SRRM4: variants seen among roughly 807,000 people sequenced by gnomAD.
SRRM4 encodes serine/arginine repetitive matrix protein 4.
Under a neutral mutation model 68.9 loss-of-function variants are expected in SRRM4, and 33 were observed. The ratio of observed to expected loss-of-function variants is 0.48; its 90% CI spans 0.36 to 0.64. The LOEUF is 0.64. Among genes scored for constraint, SRRM4 ranks in the 30% least tolerant of loss-of-function variants. The pLI, the probability that SRRM4 is intolerant of heterozygous loss-of-function variation, is 0.00. For synonymous variants in SRRM4, 318 were observed against 318.8 expected (o/e 1.00, Z 0.03); for missense variants, 817 against 827.1 (o/e 0.99, Z 0.15).
Position 118,982,108 on chromosome 12 carries a change from A to AG in SRRM4, c.131+98dup, listed in dbSNP as rs969649293. On this transcript the variant is annotated intron_variant, in intron 1 of 12. Coordinates refer to ENST00000267260, the MANE Select transcript of SRRM4 (RefSeq NM_194286.4). ...AGGGGTGGATGCAGGCAGCCGGGCC[A>AG]GGGCGCCTGTCTTTTCCCGTCACTA... 5 of 1,451,798 alleles carry AG rather than the reference A, an allele frequency of 3.4e-6. No homozygotes were observed. The Admixed American group carries it at 1.2e-4, about 35-fold the overall frequency. The allele number at this position is 1,451,798 out of a possible 1,614,324, so 89.9% of individuals were successfully genotyped here. A position where few individuals can be genotyped will look rare whatever the true frequency, so the allele number is the denominator to read the frequency against.
chr12:119,053,613 A>G (rs576928028), intron 1 of SRRM4, among the ~76,000 whole-genome samples: 114 of 152,358 alleles, frequency 7.5e-4, no homozygotes, highest in South Asian at 2.1e-3. Context: ...TAAAGCACAT[A>G]GTAGGGACTC....
At chr12:119,104,869 T>C (rs1954097598) in intron 2 of SRRM4, among the ~76,000 whole-genome samples, 1 of 151,892 alleles carries the variant, frequency 6.6e-6, no homozygotes, top group Admixed American at 6.6e-5. Context: ...GTGCACATCA[T>C]GCAGGTTTGT....
chr12:119,098,726 C>T (rs66968675), intron 1 of SRRM4, among the ~76,000 whole-genome samples: 37,988 of 152,152 alleles, frequency 0.25, 5,389 homozygotes, highest in Non-Finnish European at 0.32. Flanking sequence ...TCAATGTTGA[C>T]GCCATCCTTC....
chr12:119,150,701 C>T (rs1460423586), intron 9 of SRRM4, among the ~76,000 whole-genome samples: 1 of 152,180 alleles, frequency 6.6e-6, no homozygotes, highest in Non-Finnish European at 1.5e-5. Context: ...ATAAATTTCT[C>T]ACCATGTAAT....
chr12:119,050,044 T>C (rs919538675), intron 1 of SRRM4, among the ~76,000 whole-genome samples: 2 of 152,238 alleles, frequency 1.3e-5, no homozygotes, highest in African/African-American at 4.8e-5. Flanking sequence ...AGTAATCTAA[T>C]TATTATTGTC....
chr12:119,011,651 A>G (rs1163430194), intron 1 of SRRM4, among the ~76,000 whole-genome samples: 1 of 152,178 alleles, frequency 6.6e-6, no homozygotes, highest in Non-Finnish European at 1.5e-5. Context: ...TAAAAGCCAC[A>G]TTGGTTTGTG....
At chr12:119,022,092 TG>T (rs1953519801) in intron 1 of SRRM4, among the ~76,000 whole-genome samples, 2 of 152,050 alleles carry the variant, frequency 1.3e-5, no homozygotes, top group Non-Finnish European at 2.9e-5. Flanking sequence ...ACCTAGGTGA[TG>T]GGTTGATAGG....
At chr12:119,043,090 G>A (rs1247021323) in intron 1 of SRRM4, among the ~76,000 whole-genome samples, 1 of 152,128 alleles carries the variant, frequency 6.6e-6, no homozygotes, top group Non-Finnish European at 1.5e-5. Context: ...ATACATGCAT[G>A]TGTATGTTCA....
intron 1 of SRRM4, among the ~76,000 whole-genome samples, chr12:119,087,070 C>T (rs1953983594): frequency 1.3e-5 from 2 of 152,170 alleles, no homozygotes; most frequent in Admixed American, 1.3e-4. Flanking sequence ...GGGTTAAAAC[C>T]ATGGACTCTG....
At chr12:119,132,750 G>C (rs1466935163) in intron 8 of SRRM4, among the ~76,000 whole-genome samples, 3 of 152,138 alleles carry the variant, frequency 2.0e-5, no homozygotes, top group Admixed American at 6.5e-5. Flanking sequence ...GTACCTATAA[G>C]AGAGGCCTTA....
At chr12:119,084,000 T>C (rs1016385859) in intron 1 of SRRM4, among the ~76,000 whole-genome samples, 1 of 152,340 alleles carries the variant, frequency 6.6e-6, no homozygotes, top group East Asian at 1.9e-4. Flanking sequence ...CCATAAGCCA[T>C]GCACATTACA....
At chr12:119,134,878 GC>G (rs1954318771) in intron 8 of SRRM4, among the ~76,000 whole-genome samples, 1 of 152,210 alleles carries the variant, frequency 6.6e-6, no homozygotes, top group South Asian at 2.1e-4. Context: ...TTTGAGCTGG[GC>G]TTTGAAGGAT....
chr12:118,992,955 C>T (rs372870612), intron 1 of SRRM4, among the ~76,000 whole-genome samples: 40 of 152,242 alleles, frequency 2.6e-4, no homozygotes, highest in East Asian at 1.2e-3. Context: ...ATTTTACAAA[C>T]GGACTAATGA....
intron 7 of SRRM4, 144 bp from the exon 8 acceptor site, chr12:119,130,534 C>A: frequency 1.4e-6 from 1 of 710,038 alleles, no homozygotes; most frequent in Non-Finnish European, 2.2e-6. Flanking sequence ...CACATGCAGA[C>A]ATACCTAGGA....
chr12:119,059,243 CT>C, intron 1 of SRRM4, among the ~76,000 whole-genome samples: 1 of 152,184 alleles, frequency 6.6e-6, no homozygotes, highest in Admixed American at 6.5e-5. Flanking sequence ...ATTGAAAAGA[CT>C]CAGAATGCTG....
chr12:119,066,923 A>C (rs963202654), intron 1 of SRRM4, among the ~76,000 whole-genome samples: 3 of 152,076 alleles, frequency 2.0e-5, no homozygotes, highest in African/African-American at 7.2e-5. Flanking sequence ...TCTACCCATA[A>C]ATTTACTAAA....
chr12:118,991,669 G>A (rs1953317813), intron 1 of SRRM4: 1 of 152,156 alleles, frequency 6.6e-6, no homozygotes, highest in South Asian at 2.1e-4. Flanking sequence ...CTAATAGTCT[G>A]AACCATATGG....
chr12:119,157,039 A>C lies in SRRM4; in HGVS notation c.*241A>C. 2.1e-6 allele frequency: 1 copy of C among 482,218 alleles called. No individual in the cohort carries two copies. Among genetic ancestry groups the C allele is most frequent in the Middle Eastern group, 5.3e-4 (1 of 1,872 alleles). The allele number at this position is 482,218 out of a possible 1,614,324, so 29.9% of individuals were successfully genotyped here. A position where few individuals can be genotyped will look rare whatever the true frequency, so the allele number is the denominator to read the frequency against. On this transcript the variant is annotated 3_prime_UTR_variant, in exon 13 of 13. Transcript: ENST00000267260. The surrounding 1 kb of genome is among the most constrained non-coding windows in gnomAD (Gnocchi z 4.1). ...GCCTGGGCATATGGAAAGAACCATC[A>C]TCTTGTGGCACAAAAAAAGAAGAAA... is the stretch of plus-strand genomic sequence containing the variant.
rs578184815 is a variant in SRRM4 at position 119,162,224 on chromosome 12, C to T, written c.*5426C>T. 6.6e-6 allele frequency: 1 copy of T among 152,212 alleles called. No individual in the cohort carries two copies. The highest frequency in any genetic ancestry group is 1.5e-5 in the Non-Finnish European group (1 of 68,044). 9.4% of individuals were successfully genotyped at this position (152,212 alleles called of 1,614,324 possible). ...AAGGAAGGAAACAAAAAAGTAGGGCCTGGACTTCATTTGCAGAATGAGGTC... is the reference window on the plus strand; with the variant it reads ...AAGGAAGGAAACAAAAAAGTAGGGCTTGGACTTCATTTGCAGAATGAGGTC... On this transcript the variant is annotated 3_prime_UTR_variant, in exon 13 of 13. Transcript: ENST00000267260.
Sources: gnomAD v4.1 joint callset for allele counts (sites outside exome capture counted in the v4.1 genomes callset) on GRCh38, gnomAD v4.1.1 for gene constraint, Gnocchi (gnomAD v3.1) non-coding constraint, MANE v1.5 for transcripts, NCBI Gene and HGNC (gene_info 2026-07-23, HGNC 2026-07-21) for gene names.